The following SLC26A5 variants were observed in gnomAD, a reference collection of about 807,000 sequenced individuals.
The protein encoded by SLC26A5 is solute carrier family 26 member 5.
A neutral mutation model predicts 81.0 loss-of-function variants in SLC26A5; 51 were observed. The ratio of observed to expected loss-of-function variants is 0.63; its 90% CI spans 0.50 to 0.80. The LOEUF is 0.80. SLC26A5 is among the 30% of genes least tolerant of loss of function. The probability of loss-of-function intolerance (pLI) is 0.00; values close to 1 mark genes in which losing one functional copy is unlikely to be tolerated. For synonymous variants in SLC26A5, 325 were observed against 332.8 expected (o/e 0.98, Z 0.25); for missense variants, 771 against 905.8 (o/e 0.85, Z 1.91).
At chr7:103,376,761 AC>A in intron 19 of SLC26A5, 46 bp downstream of exon 19, 1 of 1,325,924 alleles carries the variant, frequency 7.5e-7, no homozygotes, top group Non-Finnish European at 1.1e-6. Context: ...AATAAGAGAA[AC>A]AAAACTAAAA....
intron 14 of SLC26A5, among the ~76,000 whole-genome samples, chr7:103,386,888 A>C (rs921379054): frequency 5.5e-4 from 83 of 151,604 alleles, no homozygotes. Flanking sequence ...CACCCTCCTG[A>C]GTAGCTGGGA....
intron 16 of SLC26A5, 101 bp from the exon 17 acceptor site, chr7:103,378,654 T>C: frequency 9.7e-7 from 1 of 1,026,122 alleles, no homozygotes; most frequent in Admixed American, 1.7e-5. Context: ...GCTTTCTGGG[T>C]CAGATTATCA....
intron 19 of SLC26A5, among the ~76,000 whole-genome samples, chr7:103,359,172 A>ATTTTTTTTTTTTTTTTTTT (rs1586155184): frequency 1.0e-4 from 6 of 58,384 alleles, no homozygotes; most frequent in Admixed American, 2.4e-4. Flanking sequence ...TTTTTTTTTA[A>ATTTTTTTTTTTTTTTTTTT]TTTTTAGTAG....
chr7:103,382,346 C>CTTTTTTTTT (rs755840628), intron 14 of SLC26A5, among the ~76,000 whole-genome samples: 1 of 114,338 alleles, frequency 8.7e-6, no homozygotes, highest in Non-Finnish European at 1.8e-5. Context: ...GCCCTATTTC[C>CTTTTTTTTT]TTTTTTTTTT....
Position 103,407,909 on chromosome 7 carries a change from T to C in SLC26A5, c.830A>G (p.Glu277Gly), listed in dbSNP as rs1824182059. Residue 277 changes from glutamate (E) to glycine (G), a missense_variant, in exon 8 of 20, where the codon GAG (glutamate) becomes GGG (glycine). By Grantham distance (98) the Glu-to-Gly change is moderately conservative. Coordinates refer to ENST00000306312, the MANE Select transcript of SLC26A5 (RefSeq NM_198999.3). ...MVFGLLLGGK[E>G]FNERFKEKLP... ...TTTCTCTTTAAATCTCTCATTAAAC[T>C]CCTTGCCACCCAACAGCAAACCAAA... is the stretch of plus-strand genomic sequence containing the variant. 6.2e-7 allele frequency: 1 copy of C among 1,614,046 alleles called. No homozygotes were observed. Among genetic ancestry groups the C allele is most frequent in the African/African-American group, 1.3e-5 (1 of 74,908 alleles).
At chr7:103,379,112 T>C in intron 16 of SLC26A5, 131 bp downstream of exon 16, 1 of 709,096 alleles carries the variant, frequency 1.4e-6, no homozygotes. Context: ...GTTATGTATA[T>C]TTTACTACAA....
At chr7:103,397,356 A>G (rs951224632) in intron 9 of SLC26A5, among the ~76,000 whole-genome samples, 1 of 151,790 alleles carries the variant, frequency 6.6e-6, no homozygotes, top group Admixed American at 6.6e-5. Context: ...CCTGGCTAAC[A>G]TGGTGAAACC....
intron 2 of SLC26A5, among the ~76,000 whole-genome samples, chr7:103,438,119 T>C (rs533693041): frequency 1.7e-4 from 26 of 152,228 alleles, no homozygotes; most frequent in African/African-American, 6.0e-4. Context: ...TCCACAGATG[T>C]TCAAGTCCCT....
intron 19 of SLC26A5, chr7:103,362,795 T>A: frequency 8.1e-4 from 169 of 208,832 alleles, no homozygotes; most frequent in Middle Eastern, 2.0e-3. Context: ...AGGCTATGTC[T>A]TTTTTTTTTT....
chr7:103,365,826 G>A (rs1820689087), intron 19 of SLC26A5, among the ~76,000 whole-genome samples: 4 of 152,062 alleles, frequency 2.6e-5, no homozygotes, highest in Admixed American at 2.6e-4. Flanking sequence ...TACCCGGGAG[G>A]CTGAGGTAGG....
intron 14 of SLC26A5, among the ~76,000 whole-genome samples, chr7:103,386,440 G>A (rs1307014876): frequency 1.3e-5 from 2 of 151,750 alleles, no homozygotes; most frequent in African/African-American, 4.8e-5. Context: ...GGTGGCACGC[G>A]CCTGTAGTCT....
chr7:103,419,825 A>C (rs1409777750), intron 4 of SLC26A5, among the ~76,000 whole-genome samples: 1 of 152,104 alleles, frequency 6.6e-6, no homozygotes, highest in Non-Finnish European at 1.5e-5. Flanking sequence ...GGCGTAAGCC[A>C]CCACAGCCGG....
chr7:103,412,805 C>T (rs1442611738), intron 5 of SLC26A5, among the ~76,000 whole-genome samples, 197 bp downstream of exon 5: 4 of 152,082 alleles, frequency 2.6e-5, no homozygotes, highest in African/African-American at 7.2e-5. Context: ...CCCGCCTCGG[C>T]CTCCCAGAGT....
At chr7:103,442,688 C>T (rs1340379510) in intron 2 of SLC26A5, among the ~76,000 whole-genome samples, 1 of 152,154 alleles carries the variant, frequency 6.6e-6, no homozygotes, top group Non-Finnish European at 1.5e-5. Context: ...AAATTAAGGT[C>T]CAAAGAATTT....
chr7:103,391,578 T>C (rs1729639549), intron 11 of SLC26A5, 44 bp downstream of exon 11: 2 of 1,475,808 alleles, frequency 1.4e-6, no homozygotes, highest in Non-Finnish European at 1.9e-6. Flanking sequence ...AAAATTTAAT[T>C]ACCACCCATA....
intron 19 of SLC26A5, chr7:103,355,059 A>C (rs1380246527): frequency 2.7e-6 from 2 of 743,226 alleles, no homozygotes; most frequent in Non-Finnish European, 4.5e-6. Context: ...AAAAAAAATC[A>C]TTATTCTTCC....
intron 19 of SLC26A5, among the ~76,000 whole-genome samples, chr7:103,357,793 G>A (rs1820123570): frequency 6.6e-6 from 1 of 152,032 alleles, no homozygotes; most frequent in Admixed American, 6.6e-5. Context: ...CTGGTTTTCT[G>A]TGCATATATT....
At chr7:103,430,667 C>A (rs763771682) in intron 2 of SLC26A5, among the ~76,000 whole-genome samples, 2 of 142,310 alleles carry the variant, frequency 1.4e-5, no homozygotes, top group Admixed American at 6.9e-5. Context: ...AAGGCAGGCA[C>A]GTGATTTTGC....
At chr7:103,421,598 T>C in intron 2 of SLC26A5, 31 bp from the exon 3 acceptor site, 2 of 1,447,982 alleles carry the variant, frequency 1.4e-6, no homozygotes, top group South Asian at 2.3e-5. Context: ...TCCATTTTAC[T>C]TGCCAAAATC....
Sources: allele counts gnomAD v4.1 joint callset (sites outside exome capture counted in the v4.1 genomes callset), GRCh38; gene constraint gnomAD v4.1.1; transcripts MANE v1.5; gene names NCBI Gene and HGNC (gene_info 2026-07-23, HGNC 2026-07-21).